Variants in NGLY1 observed in about 807,000 individuals in gnomAD.
NGLY1 encodes peptide-N(4)-(N-acetyl-beta-glucosaminyl)asparagine amidase.
Under a neutral mutation model 84.6 loss-of-function variants are expected in NGLY1, and 68 were observed. The ratio of observed to expected loss-of-function variants is 0.80; its 90% CI spans 0.66 to 0.98. The LOEUF is 0.98. Ranked by LOEUF, NGLY1 falls within the 50% of genes least tolerant of loss-of-function variation. The probability of loss-of-function intolerance (pLI) is 0.00; values close to 1 mark genes in which losing one functional copy is unlikely to be tolerated. For missense variants in NGLY1, 779 were observed against 770.2 expected (o/e 1.01, Z -0.14); for synonymous variants, 280 against 275.2 (o/e 1.02, Z -0.17).
chr3:25,722,178 C>T (rs1294534495), intron 10 of NGLY1, among the ~76,000 whole-genome samples: 1 of 150,654 alleles, frequency 6.6e-6, no homozygotes, highest in East Asian at 2.0e-4. Flanking sequence ...GATGGTGCCA[C>T]TGCACTCCAG....
chr3:25,768,956 T>C (rs929994704), intron 2 of NGLY1, among the ~76,000 whole-genome samples: 1 of 152,108 alleles, frequency 6.6e-6, no homozygotes, highest in East Asian at 1.9e-4. Context: ...AGAGACACAC[T>C]AGAAAGTGAA....
rs1553666033 is a variant in NGLY1, at chr3:25,783,351, AC to A, written c.39del (p.Ser14ProfsTer91). On this transcript the variant is annotated frameshift_variant, in exon 1 of 12. Transcript: ENST00000280700. LOFTEE classifies it high-confidence loss of function. The surrounding 1 kb of genome is among the most constrained non-coding windows in gnomAD (Gnocchi z 4.5). Reference sequence around the variant, plus strand: ...TGGCAGAGCTCAGCCACGGCCGGGGACGCCGAGCCTGAGGAGCTGCCCAATG... The same window carrying A: ...TGGCAGAGCTCAGCCACGGCCGGGGAGCCGAGCCTGAGGAGCTGCCCAATG... ...AAALGSSSGS[A>X]SPAVAELCQN... 3 of 1,571,778 alleles carry A rather than the reference AC, an allele frequency of 1.9e-6. No homozygotes were observed. Among genetic ancestry groups the A allele is most frequent in the Admixed American group, 1.9e-5 (1 of 53,760 alleles).
At chr3:25,768,561 CTTTTT>C (rs752193155) in intron 2 of NGLY1, among the ~76,000 whole-genome samples, 6 of 116,306 alleles carry the variant, frequency 5.2e-5, no homozygotes, top group Admixed American at 2.7e-4. Flanking sequence ...ATAAGTAAGA[CTTTTT>C]TTTTTTTTTT....
intron 2 of NGLY1, among the ~76,000 whole-genome samples, chr3:25,765,898 A>C (rs1267174655): frequency 6.6e-6 from 1 of 151,822 alleles, no homozygotes; most frequent in African/African-American, 2.4e-5. Flanking sequence ...CACCTGGATG[A>C]TTTTTATTTT....
rs75592701 is a variant in NGLY1, at chr3:25,782,513, A to G, written c.131+747T>C. Reference sequence around the variant, plus strand: ...AATGAATAATCAAACTTGCCTCCCAATTCCCAAAATCTGCAAGGTCCCTTA... The same window carrying G: ...AATGAATAATCAAACTTGCCTCCCAGTTCCCAAAATCTGCAAGGTCCCTTA... On this transcript the variant is annotated intron_variant, in intron 1 of 11. Transcript: ENST00000280700. Among the ~76,000 whole-genome samples, 1,433 of 152,280 alleles carry G rather than the reference A, an allele frequency of 9.4e-3. 19 individuals are homozygous for G. Among genetic ancestry groups the G allele is most frequent in the African/African-American group, 0.033 (1,371 of 41,540 alleles).
chr3:25,747,503 C>T (rs1706496496), intron 4 of NGLY1, among the ~76,000 whole-genome samples: 1 of 152,056 alleles, frequency 6.6e-6, no homozygotes, highest in African/African-American at 2.4e-5. Flanking sequence ...TACCAAAATA[C>T]AAAGGGTAGC....
chr3:25,754,039 T>C (rs182917761), intron 3 of NGLY1, among the ~76,000 whole-genome samples: 2 of 152,272 alleles, frequency 1.3e-5, no homozygotes, highest in African/African-American at 4.8e-5. Flanking sequence ...TATTTGTCTG[T>C]GTGTGAATGT....
At chr3:25,773,741 T>C (rs1708012324) in intron 2 of NGLY1, among the ~76,000 whole-genome samples, 1 of 152,196 alleles carries the variant, frequency 6.6e-6, no homozygotes, top group Non-Finnish European at 1.5e-5. Flanking sequence ...CATTTAGGTA[T>C]AGACTATGTC....
chr3:25,724,580 A>G (rs982259249), intron 10 of NGLY1, among the ~76,000 whole-genome samples: 3 of 152,198 alleles, frequency 2.0e-5, no homozygotes, highest in South Asian at 4.1e-4. Context: ...GTTGCCTATT[A>G]CATAATTGCA....
chr3:25,751,023 A>C, intron 4 of NGLY1, 75 bp downstream of exon 4: 1 of 1,422,462 alleles, frequency 7.0e-7, no homozygotes, highest in South Asian at 1.3e-5. Context: ...TTCAAGGGTC[A>C]GTTGTATTTC....
At chr3:25,753,604 T>C (rs1706873491) in intron 3 of NGLY1, among the ~76,000 whole-genome samples, 1 of 152,068 alleles carries the variant, frequency 6.6e-6, no homozygotes, top group Non-Finnish European at 1.5e-5. Flanking sequence ...TATGGGAAGA[T>C]GTTGGTAGAA....
intron 5 of NGLY1, among the ~76,000 whole-genome samples, chr3:25,738,016 C>T (rs899619145): frequency 6.6e-6 from 1 of 152,066 alleles, no homozygotes; most frequent in Non-Finnish European, 1.5e-5. Flanking sequence ...TCAAACAATA[C>T]AACAGGTCAG....
intron 3 of NGLY1, among the ~76,000 whole-genome samples, chr3:25,757,439 A>G (rs758132541): frequency 6.6e-6 from 1 of 152,222 alleles, no homozygotes; most frequent in Non-Finnish European, 1.5e-5. Flanking sequence ...TAAGGGTTCG[A>G]CTGGTATACG....
At chr3:25,774,025 A>G (rs1428756573) in intron 2 of NGLY1, among the ~76,000 whole-genome samples, 2 of 152,218 alleles carry the variant, frequency 1.3e-5, no homozygotes, top group East Asian at 3.9e-4. Context: ...GTGGCAGGGG[A>G]GTGAAGTGGA....
At chr3:25,736,727 G>A (rs1705843401) in intron 6 of NGLY1, 1 of 194,028 alleles carries the variant, frequency 5.2e-6, no homozygotes, top group Non-Finnish European at 1.0e-5. Context: ...TCTGTATACT[G>A]TGCTTTAAGT....
At chr3:25,769,010 C>A (rs900359886) in intron 2 of NGLY1, among the ~76,000 whole-genome samples, 3 of 152,016 alleles carry the variant, frequency 2.0e-5, no homozygotes, top group African/African-American at 4.8e-5. Context: ...GATTAAGAAC[C>A]AGACTATAAA....
At chr3:25,786,233 G>A (rs550789991), upstream of NGLY1, among the ~76,000 whole-genome samples, 7 of 152,048 alleles carry the variant, frequency 4.6e-5, no homozygotes, top group African/African-American at 1.7e-4. Flanking sequence ...AGAGGCAGGA[G>A]AATCGCTTGA....
rs969104465 is a variant in NGLY1, at chr3:25,764,106, T to C, written c.452A>G (p.Asn151Ser). The C allele has an allele frequency of 3.1e-6, 5 of 1,614,106 alleles. No individual in the cohort carries two copies. In the African/African-American group the frequency reaches 5.3e-5, roughly 17 times the overall value. ...TGGATCTGATGACTGCCCTTGACGG[T>C]TCCTTGTGTGCTGGTTTAACCCACT... ...NPSGLNQHTR[N>S]RQGQSSDPPS... Residue 151 changes from asparagine (N) to serine (S), a missense_variant, in exon 3 of 12, where the codon AAC becomes AGC. Transcript: ENST00000280700.
At chr3:25,738,196 A>G (rs1705939249) in intron 5 of NGLY1, among the ~76,000 whole-genome samples, 1 of 152,208 alleles carries the variant, frequency 6.6e-6, no homozygotes, top group African/African-American at 2.4e-5. Flanking sequence ...AAAGGTAAAC[A>G]ACTTTAACAA....
Sources: allele counts gnomAD v4.1 joint callset (sites outside exome capture counted in the v4.1 genomes callset), GRCh38; gene constraint gnomAD v4.1.1; non-coding constraint Gnocchi (gnomAD v3.1); transcripts MANE v1.5; gene names NCBI Gene and HGNC (gene_info 2026-07-23, HGNC 2026-07-21).